Variants in AEBP2 observed in about 807,000 individuals in gnomAD.
AEBP2 encodes zinc finger protein AEBP2.
AEBP2 carries 10 observed loss-of-function variants against 50.8 expected under a neutral mutation model. The observed-to-expected ratio is 0.20, with a 90% CI of 0.12 to 0.33. The LOEUF is 0.33. Ranked by LOEUF, AEBP2 falls within the 10% of genes least tolerant of loss-of-function variation. AEBP2 has a pLI of 1.00. For missense variants in AEBP2, 570 were observed against 688.0 expected (o/e 0.83, Z 1.92); for synonymous variants, 296 against 261.3 (o/e 1.13, Z -1.28).
chr12:19,457,588 A>G (rs1263199275), intron 1 of AEBP2: 3 of 1,482,012 alleles, frequency 2.0e-6, no homozygotes, highest in Non-Finnish European at 2.7e-6. Context: ...GTAGTGGTGG[A>G]CTTGTACGAA....
At chr12:19,487,300 A>G (rs1396132634) in intron 3 of AEBP2, among the ~76,000 whole-genome samples, 1 of 152,168 alleles carries the variant, frequency 6.6e-6, no homozygotes, top group Admixed American at 6.5e-5. Flanking sequence ...TTTTAAGTAC[A>G]TAATTTATAT....
In AEBP2 at chr12:19,518,798, C is replaced by G; in HGVS notation, c.*681C>G. Reference sequence around the variant, plus strand: ...ACTGTTAAAGAGTGTTGCAGTATGTCTGGTGGCTCCCTTTTCAGGACTAGG... The same window carrying G: ...ACTGTTAAAGAGTGTTGCAGTATGTGTGGTGGCTCCCTTTTCAGGACTAGG... On this transcript the variant is annotated 3_prime_UTR_variant, in exon 8 of 8. Coordinates refer to ENST00000266508, the MANE Select transcript of AEBP2 (RefSeq NM_153207.5). 7.8e-7 allele frequency: 1 copy of G among 1,283,922 alleles called. No individual in the cohort carries two copies. The highest frequency in any genetic ancestry group is 1.1e-6 in the Non-Finnish European group (1 of 943,964). The allele number at this position is 1,283,922 out of a possible 1,614,324, so 79.5% of individuals were successfully genotyped here.
intron 1 of AEBP2, among the ~76,000 whole-genome samples, chr12:19,448,468 G>C (rs554882510): frequency 2.7e-5 from 4 of 150,264 alleles, no homozygotes; most frequent in Non-Finnish European, 5.9e-5. Flanking sequence ...CTGGGCAACA[G>C]AGCAAGACTC....
At chr12:19,450,672 AAAAAAAAAAG>A (rs1465568671) in intron 1 of AEBP2, among the ~76,000 whole-genome samples, 1 of 142,484 alleles carries the variant, frequency 7.0e-6, no homozygotes, top group African/African-American at 2.5e-5. Context: ...TCTACCAAAA[AAAAAAAAAAG>A]AAAAAAAAAA....
chr12:19,413,017 G>A (rs1159592033), intron 1 of AEBP2: 2 of 414,178 alleles, frequency 4.8e-6, no homozygotes, highest in Non-Finnish European at 8.9e-6. Flanking sequence ...TTGGGGTGTG[G>A]GGTCCCCTGG....
chr12:19,491,257 A>G (rs969582802), intron 3 of AEBP2, among the ~76,000 whole-genome samples: 1 of 152,216 alleles, frequency 6.6e-6, no homozygotes, highest in Non-Finnish European at 1.5e-5. Context: ...TCTCATGGTC[A>G]GAGTCTGTAG....
At chr12:19,468,126 T>TGTGTGTGTGTGTGTG (rs1948511309) in intron 2 of AEBP2, among the ~76,000 whole-genome samples, 7 of 143,958 alleles carry the variant, frequency 4.9e-5, no homozygotes, top group Non-Finnish European at 4.5e-5. Flanking sequence ...CTGCCTGACT[T>TGTGTGTGTGTGTGTG]TGTGTGTGTG....
At chr12:19,511,973 A>AG (rs1008788669) in intron 5 of AEBP2, among the ~76,000 whole-genome samples, 16 of 152,258 alleles carry the variant, frequency 1.1e-4, no homozygotes, top group Admixed American at 3.3e-4. Context: ...ACTACAAAGC[A>AG]GGCAGGATTA....
intron 3 of AEBP2, among the ~76,000 whole-genome samples, chr12:19,485,948 CTTTTTTT>C (rs60355570): frequency 3.3e-5 from 3 of 91,224 alleles, no homozygotes; most frequent in Non-Finnish European, 6.6e-5. Flanking sequence ...TGAGCCTCTG[CTTTTTTT>C]TTTTTTTTTT....
chr12:19,499,183 C>T (rs1949030563), intron 4 of AEBP2, among the ~76,000 whole-genome samples: 1 of 152,160 alleles, frequency 6.6e-6, no homozygotes, highest in South Asian at 2.1e-4. Context: ...AAGTAGTTTG[C>T]CCACAGTCAC....
intron 3 of AEBP2, among the ~76,000 whole-genome samples, chr12:19,486,129 A>G (rs978002887): frequency 2.0e-5 from 3 of 152,064 alleles, no homozygotes; most frequent in South Asian, 2.1e-4. Context: ...TTTCTGGTCT[A>G]TCTCTTCTCC....
At chr12:19,468,848 A>G (rs1164024177) in intron 2 of AEBP2, among the ~76,000 whole-genome samples, 1 of 152,094 alleles carries the variant, frequency 6.6e-6, no homozygotes, top group African/African-American at 2.4e-5. Context: ...GAAAGCCAAA[A>G]CCTCCCTGTA....
At chr12:19,423,814 C>T (rs2095747097) in intron 1 of AEBP2, among the ~76,000 whole-genome samples, 1 of 151,946 alleles carries the variant, frequency 6.6e-6, no homozygotes, top group Non-Finnish European at 1.5e-5. Flanking sequence ...GCGCTCCAGC[C>T]TGGGCGACAG....
At chr12:19,430,008 T>A (rs1213894943) in intron 1 of AEBP2, among the ~76,000 whole-genome samples, 2 of 152,178 alleles carry the variant, frequency 1.3e-5, no homozygotes, top group Admixed American at 6.6e-5. Flanking sequence ...ATTTTGGCTT[T>A]TGTTGCCATT....
At chr12:19,516,883 C>T (rs938063478) in intron 7 of AEBP2, among the ~76,000 whole-genome samples, 8 of 152,018 alleles carry the variant, frequency 5.3e-5, no homozygotes, top group African/African-American at 9.7e-5. Context: ...AAAAATCAGT[C>T]GGACGTAGTG....
chr12:19,441,429 A>G (rs1231817675), intron 1 of AEBP2, among the ~76,000 whole-genome samples: 1 of 152,226 alleles, frequency 6.6e-6, no homozygotes, highest in Admixed American at 6.5e-5. Context: ...TATTTTGACC[A>G]TCTATGTTTT....
intron 1 of AEBP2, among the ~76,000 whole-genome samples, chr12:19,409,557 C>T (rs1042285380): frequency 2.0e-5 from 3 of 152,168 alleles, no homozygotes; most frequent in Non-Finnish European, 2.9e-5. Context: ...GAAGAGCTGG[C>T]TCATTTTCCA....
intron 5 of AEBP2, among the ~76,000 whole-genome samples, chr12:19,503,060 G>A (rs1284588560): frequency 6.6e-6 from 1 of 152,164 alleles, no homozygotes; most frequent in African/African-American, 2.4e-5. Context: ...GCTTAGGATT[G>A]CCTTGGCTCT....
intron 5 of AEBP2, among the ~76,000 whole-genome samples, chr12:19,510,288 C>G (rs765111050): frequency 1.3e-5 from 2 of 152,216 alleles, no homozygotes; most frequent in East Asian, 3.9e-4. Context: ...GTAATACATG[C>G]TAATGTAGAG....
Sources: gnomAD v4.1 joint callset for allele counts (sites outside exome capture counted in the v4.1 genomes callset) on GRCh38, gnomAD v4.1.1 for gene constraint, MANE v1.5 for transcripts, NCBI Gene and HGNC (gene_info 2026-07-23, HGNC 2026-07-21) for gene names.